PVT1: variants seen among roughly 807,000 people sequenced by gnomAD.
PVT1 encodes the protein CXCR4/PVT1 fusion.
In PVT1 at chr8:128,047,020, C is replaced by G. The variant is rs373701704; in HGVS notation, n.913-23140C>G. On this transcript the variant is annotated intron_variant and non_coding_transcript_variant, in intron 4 of 10. Transcript: ENST00000651587. The stretch of plus-strand genomic sequence containing the variant: ...ACAGGATGTCCTCTTGTCTGAGGTT[C>G]TACTTTGTTCCAGCCATGGAGTCAT... Among the ~76,000 whole-genome samples the G allele has an allele frequency of 1.6e-3, 243 of 152,334 alleles. 2 individuals are homozygous for G. Among genetic ancestry groups the G allele is most frequent in the African/African-American group, 5.5e-3 (230 of 41,586 alleles).
chr8:128,063,966 C>T (rs1813866572), intron 4 of PVT1, among the ~76,000 whole-genome samples: 1 of 152,026 alleles, frequency 6.6e-6, no homozygotes, highest in Non-Finnish European at 1.5e-5. Flanking sequence ...ATAGTAAATA[C>T]ATACAATTTT....
chr8:127,970,645 C>T (rs1395969994), intron 3 of PVT1, among the ~76,000 whole-genome samples: 2 of 152,182 alleles, frequency 1.3e-5, no homozygotes, highest in East Asian at 3.9e-4. Context: ...CTGTCACAGC[C>T]TAACAGGTGC....
chr8:127,906,468 C>T (rs927101002), intron 3 of PVT1, among the ~76,000 whole-genome samples: 2 of 152,018 alleles, frequency 1.3e-5, no homozygotes, highest in African/African-American at 4.8e-5. Context: ...TAGATAGCAC[C>T]GAAGATAATG....
intron 3 of PVT1, among the ~76,000 whole-genome samples, chr8:127,902,102 C>T (rs900807969): frequency 6.6e-6 from 1 of 152,182 alleles, no homozygotes; most frequent in Non-Finnish European, 1.5e-5. Context: ...CATAACCCTC[C>T]ACTGAGGAGT....
At chr8:128,000,572 C>T (rs1191810067) in intron 4 of PVT1, among the ~76,000 whole-genome samples, 2 of 152,208 alleles carry the variant, frequency 1.3e-5, no homozygotes, top group African/African-American at 4.8e-5. Flanking sequence ...GTCTGCAGGC[C>T]CAGAATGGCC....
At chr8:127,997,614 C>T (rs1299282868) in intron 4 of PVT1, among the ~76,000 whole-genome samples, 2 of 152,150 alleles carry the variant, frequency 1.3e-5, no homozygotes, top group East Asian at 3.8e-4. Context: ...AAAGAATAAA[C>T]TCTATTTTCA....
intron 2 of PVT1, among the ~76,000 whole-genome samples, chr8:127,807,158 G>A (rs145473345): frequency 6.6e-6 from 1 of 152,174 alleles, no homozygotes; most frequent in Non-Finnish European, 1.5e-5. Flanking sequence ...AGAATTCACA[G>A]TTCGTGCTGT....
At chr8:127,961,522 C>T (rs888135959) in intron 3 of PVT1, among the ~76,000 whole-genome samples, 18 of 152,134 alleles carry the variant, frequency 1.2e-4, no homozygotes, top group Admixed American at 6.6e-5. Flanking sequence ...GGGCTGTGCC[C>T]CACCCCAAGC....
intron 2 of PVT1, among the ~76,000 whole-genome samples, chr8:127,872,196 C>A (rs1815358659): frequency 6.6e-6 from 1 of 152,172 alleles, no homozygotes; most frequent in African/African-American, 2.4e-5. Context: ...AGGCAGATCA[C>A]TGAGGTCAGG....
intron 2 of PVT1, among the ~76,000 whole-genome samples, chr8:127,841,155 G>A (rs1358736661): frequency 6.6e-6 from 1 of 152,250 alleles, no homozygotes; most frequent in African/African-American, 2.4e-5. Flanking sequence ...CGCTTGGCAT[G>A]TGCCTGGCAC....
chr8:127,896,535 T>G (rs1248565718), intron 3 of PVT1, among the ~76,000 whole-genome samples: 2 of 152,258 alleles, frequency 1.3e-5, no homozygotes, highest in Admixed American at 6.5e-5. Context: ...GAAGCTCTGC[T>G]GTTTTATACC....
At chr8:128,059,850 G>C (rs569301054) in intron 4 of PVT1, among the ~76,000 whole-genome samples, 9 of 152,206 alleles carry the variant, frequency 5.9e-5, no homozygotes, top group Non-Finnish European at 1.0e-4. Flanking sequence ...TTGGGGTCTT[G>C]TTCCTAGAAC....
rs138772703 is a variant in PVT1 at position 128,088,439 on chromosome 8, G to T, written n.1115-8079G>T. Reference sequence around the variant, plus strand: ...GGTCATACCTGAGGTGGAGAAAGATGTTGGGGCAGGGGTTGGGGGATGGAG... The same window carrying T: ...GGTCATACCTGAGGTGGAGAAAGATTTTGGGGCAGGGGTTGGGGGATGGAG... On this transcript the variant is annotated intron_variant and non_coding_transcript_variant, in intron 5 of 10. Transcript: ENST00000651587. Among the ~76,000 whole-genome samples, 76 of 152,278 alleles carry T rather than the reference G, an allele frequency of 5.0e-4. No individual in the cohort carries two copies. In the East Asian group the frequency reaches 0.013, roughly 27 times the overall value.
intron 3 of PVT1, among the ~76,000 whole-genome samples, chr8:127,952,279 G>A (rs1408279091): frequency 6.6e-6 from 1 of 152,224 alleles, no homozygotes; most frequent in Non-Finnish European, 1.5e-5. Context: ...TGTGCCCAGG[G>A]AGGCCAGAGG....
In PVT1 at chr8:128,058,814, C is replaced by T. The variant is rs541846357; in HGVS notation, n.913-11346C>T. ...CTCCCTCCACCCCCAGCATGACAGA[C>T]GACCATGTCCTCGAGCCCTCCACAG... On this transcript the variant is annotated intron_variant and non_coding_transcript_variant, in intron 4 of 10. Transcript: ENST00000651587. Among the ~76,000 whole-genome samples, 4 of 152,268 alleles carry T rather than the reference C, an allele frequency of 2.6e-5. 1 individual carries two copies. The South Asian group carries it at 8.3e-4, about 32-fold the overall frequency.
chr8:128,018,788 T>C (rs1048385365), intron 4 of PVT1, among the ~76,000 whole-genome samples: 1 of 152,134 alleles, frequency 6.6e-6, no homozygotes, highest in Non-Finnish European at 1.5e-5. Flanking sequence ...GCAGTTAGTG[T>C]TGCTGTCTGG....
Position 127,925,590 on chromosome 8 carries a change from G to T in PVT1, n.782+34592G>T, listed in dbSNP as rs138641580. Among the ~76,000 whole-genome samples the T allele has an allele frequency of 4.3e-3, 650 of 152,268 alleles. 5 individuals are homozygous for T. Among genetic ancestry groups the T allele is most frequent in the African/African-American group, 0.015 (628 of 41,568 alleles). ...TGAAAATAATTATTGAGATTATATA[G>T]TCTTGTGAAAAGATTTATCAGAGGC... On this transcript the variant is annotated intron_variant and non_coding_transcript_variant, in intron 3 of 10. Coordinates refer to ENST00000651587, the Ensembl canonical transcript of PVT1.
intron 2 of PVT1, among the ~76,000 whole-genome samples, chr8:127,880,142 C>G (rs1815448761): frequency 6.7e-6 from 1 of 150,256 alleles, no homozygotes; most frequent in African/African-American, 2.5e-5. Flanking sequence ...TCCTGCTTCT[C>G]TGGAAATCTT....
At chr8:127,924,575 G>A (rs894370390) in intron 3 of PVT1, among the ~76,000 whole-genome samples, 3 of 145,274 alleles carry the variant, frequency 2.1e-5, no homozygotes, top group East Asian at 2.0e-4. Flanking sequence ...GCAGTGGCTC[G>A]ATGTCGGCTC....
Sources: allele counts gnomAD v4.1 joint callset (sites outside exome capture counted in the v4.1 genomes callset), GRCh38; gene constraint gnomAD v4.1.1; transcripts MANE v1.5; gene names NCBI Gene and HGNC (gene_info 2026-07-23, HGNC 2026-07-21).